Variants in AQP10 observed in about 807,000 individuals in gnomAD.
AQP10 encodes the protein aquaporin-10.
AQP10 carries 15 observed loss-of-function variants against 21.0 expected under a neutral mutation model. The ratio of observed to expected loss-of-function variants is 0.71; its 90% CI spans 0.48 to 1.10. The LOEUF is 1.10. Ranked by LOEUF, AQP10 falls within the 50% of genes least tolerant of loss-of-function variation. The probability of loss-of-function intolerance (pLI) is 0.00; values close to 1 mark genes in which losing one functional copy is unlikely to be tolerated. For missense variants in AQP10, 268 were observed against 379.5 expected (o/e 0.71, Z 2.44); for synonymous variants, 143 against 155.7 (o/e 0.92, Z 0.61).
chr1:154,323,800 T>C lies in AQP10; in HGVS notation c.701T>C (p.Val234Ala), dbSNP rs370728661. The change falls in exon 5 of 6, where the codon GTC becomes GCC. Residue 234 changes from valine to alanine, a missense_variant. By Grantham distance (64) the Val-to-Ala change is moderately conservative (BLOSUM62 0). Around this residue, in one of 3 missense-constraint regions of AQP10, gnomAD observed 229 missense variants for 295.1 expected, o/e 0.78. Transcript: ENST00000324978. The surrounding 1 kb of genome is among the most constrained non-coding windows in gnomAD (Gnocchi z 4.5). ...TACGTGGCTGGCTGGGGTCCTGAAG[T>C]CTTCAGGTGGGAGACAGACTCTCCT... The part of the protein sequence containing the change: ...FTYVAGWGPE[V>A]FSAGNGWWWV... The C allele has an allele frequency of 1.9e-6, 3 of 1,613,970 alleles. No homozygotes were observed. Among genetic ancestry groups the C allele is most frequent in the Non-Finnish European group, 2.5e-6 (3 of 1,179,922 alleles).
chr1:154,322,754 TCCCAAAG>T (rs1419363242), intron 2 of AQP10, among the ~76,000 whole-genome samples: 1 of 152,112 alleles, frequency 6.6e-6, no homozygotes, highest in African/African-American at 2.4e-5. Flanking sequence ...TGCCTCGGCC[TCCCAAAG>T]TGCTGGGATT....
Position 154,323,417 on chromosome 1 carries a change from G to T in AQP10, c.489+58G>T. ...TTTGGTCCTGTTCCTCGGCACCCCA[G>T]CCTATTGTTCAGTCTCTGGGTGGAG... On this transcript the variant is annotated intron_variant, in intron 4 of 5. Coordinates refer to ENST00000324978, the MANE Select transcript of AQP10 (RefSeq NM_080429.3). This position sits in a 1 kb window ranked among gnomAD's most constrained non-coding sequence, Gnocchi z 4.5. 1 of 1,563,542 alleles carries T rather than the reference G, an allele frequency of 6.4e-7. No homozygotes were observed. The highest frequency in any genetic ancestry group is 8.8e-7 in the Non-Finnish European group (1 of 1,138,340).
At position 154,323,696 on chromosome 1, in the gene AQP10, G is replaced by A; in HGVS notation, c.597G>A (p.Leu199=). 2.5e-6 allele frequency: 4 copies of A among 1,614,170 alleles called. No homozygotes were observed. Among genetic ancestry groups the A allele is most frequent in the South Asian group, 1.1e-5 (1 of 91,078 alleles). ...LEPVVVGMLI[L]ALGLSMGANC... is the part of the protein sequence containing the mutation. ...CTGTGGTGGTGGGGATGCTGATCCT[G>A]GCCCTCGGGTTATCCATGGGTGCCA... Residue 199 remains leucine, a synonymous_variant, in exon 5 of 6, where the codon CTG becomes CTA. Coordinates refer to ENST00000324978, the MANE Select transcript of AQP10 (RefSeq NM_080429.3). The surrounding 1 kb of genome is among the most constrained non-coding windows in gnomAD (Gnocchi z 4.5).
intron 1 of AQP10, 41 bp downstream of exon 1, chr1:154,321,301 CA>C: frequency 1.3e-6 from 2 of 1,527,426 alleles, no homozygotes; most frequent in Non-Finnish European, 9.0e-7. Context: ...GGGGGTTGGG[CA>C]AAAGTTCCTG....
chr1:154,321,204 C>T lies in AQP10; in HGVS notation c.49C>T (p.Arg17Cys), dbSNP rs761060478. 3.3e-5 allele frequency: 53 copies of T among 1,613,600 alleles called. No homozygotes were observed. The highest frequency in any genetic ancestry group is 8.0e-5 in the African/African-American group (6 of 74,904). The change falls in exon 1 of 6, where the codon CGC becomes TGC. Residue 17 changes from arginine (R) to cysteine (C), a missense_variant. By Grantham distance (180) the Arg-to-Cys change is radical (BLOSUM62 -3). Around this residue, in one of 3 missense-constraint regions of AQP10, gnomAD observed 33 missense variants for 47.1 expected, o/e 0.70. Coordinates refer to ENST00000324978, the MANE Select transcript of AQP10 (RefSeq NM_080429.3). ...TGAAATCATGGGCCACCTCCGGATA[C>T]GCAGCCTCCTGGCCCGGCAGTGCCT... is the stretch of plus-strand genomic sequence containing the variant. The part of the protein sequence containing the change: ...PAEIMGHLRI[R>C]SLLARQCLAE...
Position 154,323,204 on chromosome 1 carries a change from C to A in AQP10, c.371-37C>A. On this transcript the variant is annotated intron_variant, in intron 3 of 5. Transcript: ENST00000324978. This position sits in a 1 kb window ranked among gnomAD's most constrained non-coding sequence, Gnocchi z 4.5. The stretch of plus-strand genomic sequence containing the variant: ...CTCAGAATGGTTTTGGATGAATGAG[C>A]AAAGAGGGAAATCCTGGGTGTTCCC... 1 of 1,613,554 alleles carries A rather than the reference C, an allele frequency of 6.2e-7. No homozygotes were observed. The highest frequency in any genetic ancestry group is 1.1e-5 in the South Asian group (1 of 91,060).
Position 154,324,753 on chromosome 1 carries a change from C to G in AQP10, c.*273C>G, listed in dbSNP as rs1033201348. The stretch of plus-strand genomic sequence containing the variant: ...CTCGGAATGTAGTTGCTCGAGGTAA[C>G]CGCTAGAGGGTGCGCACCTGGATGC... On this transcript the variant is annotated 3_prime_UTR_variant, in exon 6 of 6. Transcript: ENST00000324978. 5.8e-6 allele frequency: 2 copies of G among 347,576 alleles called. No individual in the cohort carries two copies. The highest frequency in any genetic ancestry group is 2.1e-5 in the African/African-American group (1 of 46,986). 21.5% of individuals were successfully genotyped at this position (347,576 alleles called of 1,614,324 possible). A position where few individuals can be genotyped will look rare whatever the true frequency, so the allele number is the denominator to read the frequency against.
intron 5 of AQP10, chr1:154,324,031 C>T: frequency 7.1e-7 from 1 of 1,405,656 alleles, no homozygotes. Flanking sequence ...CACATTACTT[C>T]CATGCACATT....
At position 154,323,807 on chromosome 1, in the gene AQP10, G is replaced by A; in HGVS notation, c.707+1G>A. 6.2e-7 allele frequency: 1 copy of A among 1,613,830 alleles called. No homozygotes were observed. The highest frequency in any genetic ancestry group is 8.5e-7 in the Non-Finnish European group (1 of 1,179,842). On this transcript the variant is annotated splice_donor_variant, in intron 5 of 5. Coordinates refer to ENST00000324978, the MANE Select transcript of AQP10 (RefSeq NM_080429.3). LOFTEE classifies it high-confidence loss of function. This position sits in a 1 kb window ranked among gnomAD's most constrained non-coding sequence, Gnocchi z 4.5. Reference sequence around the variant, plus strand: ...CTGGCTGGGGTCCTGAAGTCTTCAGGTGGGAGACAGACTCTCCTGGTGCTG... The same window carrying A: ...CTGGCTGGGGTCCTGAAGTCTTCAGATGGGAGACAGACTCTCCTGGTGCTG...
Position 154,324,118 on chromosome 1 carries a change from C to T in AQP10, c.708-164C>T, listed in dbSNP as rs564561329. The T allele has an allele frequency of 1.2e-5, 14 of 1,124,622 alleles. No individual in the cohort carries two copies. In the South Asian group the frequency reaches 1.4e-4, roughly 11 times the overall value. 69.7% of individuals were successfully genotyped at this position (1,124,622 alleles called of 1,614,324 possible). ...GGCTGGACCAAGCTCTCCTGGGGTT[C>T]CCTCTTCTAAATACTATGCTTTGGT... is the stretch of plus-strand genomic sequence containing the variant. On this transcript the variant is annotated intron_variant, in intron 5 of 5. Coordinates refer to ENST00000324978, the MANE Select transcript of AQP10 (RefSeq NM_080429.3).
chr1:154,323,731 T>C lies in AQP10; in HGVS notation c.632T>C (p.Ile211Thr), dbSNP rs759873653. 6.2e-7 allele frequency: 1 copy of C among 1,614,150 alleles called. No homozygotes were observed. Among genetic ancestry groups the C allele is most frequent in the Non-Finnish European group, 8.5e-7 (1 of 1,180,026 alleles). Residue 211 changes from isoleucine to threonine, a missense_variant, in exon 5 of 6, where the codon ATT (isoleucine) becomes ACT (threonine). By Grantham distance (89) the Ile-to-Thr change is moderately conservative (BLOSUM62 -1). This residue lies in a region of AQP10 where 229 missense variants were observed against 295.1 expected (regional missense o/e 0.78). Coordinates refer to ENST00000324978, the MANE Select transcript of AQP10 (RefSeq NM_080429.3). The surrounding 1 kb of genome is among the most constrained non-coding windows in gnomAD (Gnocchi z 4.5). ...LGLSMGANCG[I>T]PLNPARDLGP... ...TTATCCATGGGTGCCAACTGCGGGA[T>C]TCCACTCAACCCTGCCCGGGACCTG...
rs1182265391 is a variant in AQP10 at position 154,322,022 on chromosome 1, C to T, written c.195C>T (p.Ala65=). ...FFTMFLAGSL[A]VTIAIYVGGN... ...CCATGTTTCTGGCTGGCTCTCTGGC[C>T]GTTACGATAGCCATCTACGTGGGTG... The change falls in exon 2 of 6, where the codon GCC becomes GCT. Residue 65 remains alanine (A), a synonymous_variant. Transcript: ENST00000324978. The T allele has an allele frequency of 2.0e-5, 32 of 1,613,596 alleles. No homozygotes were observed. The highest frequency in any genetic ancestry group is 5.3e-5 in the African/African-American group (4 of 74,906).
In AQP10 at chr1:154,323,712, A is replaced by G; in HGVS notation, c.613A>G (p.Met205Val). 1.9e-6 allele frequency: 3 copies of G among 1,614,112 alleles called. No homozygotes were observed. The highest frequency in any genetic ancestry group is 2.2e-5 in the South Asian group (2 of 91,080). The change falls in exon 5 of 6, where the codon ATG (methionine) becomes GTG (valine). Residue 205 changes from methionine (M) to valine (V), a missense_variant. Transcript: ENST00000324978. The surrounding 1 kb of genome is among the most constrained non-coding windows in gnomAD (Gnocchi z 4.5). Reference sequence around the variant, plus strand: ...GCTGATCCTGGCCCTCGGGTTATCCATGGGTGCCAACTGCGGGATTCCACT... The same window carrying G: ...GCTGATCCTGGCCCTCGGGTTATCCGTGGGTGCCAACTGCGGGATTCCACT... ...GMLILALGLS[M>V]GANCGIPLNP...
Position 154,323,891 on chromosome 1 carries a change from T to G in AQP10, c.707+85T>G. ...TCCCTGGGTCCACAGCACTCTGCCT[T>G]TAAAATAGCTCTCTTGGCTTCTTAG... On this transcript the variant is annotated intron_variant, in intron 5 of 5. Transcript: ENST00000324978. The surrounding 1 kb of genome is among the most constrained non-coding windows in gnomAD (Gnocchi z 4.5). 1 of 1,547,768 alleles carries G rather than the reference T, an allele frequency of 6.5e-7. No homozygotes were observed. The highest frequency in any genetic ancestry group is 2.4e-5 in the East Asian group (1 of 41,166).
rs954878410 is a variant in AQP10 at position 154,323,517 on chromosome 1, T to C, written c.490-72T>C. On this transcript the variant is annotated intron_variant, in intron 4 of 5. Transcript: ENST00000324978. The surrounding 1 kb of genome is among the most constrained non-coding windows in gnomAD (Gnocchi z 4.5). Reference sequence around the variant, plus strand: ...TTGCACAAAGCCAGATGACATGGAATATTTGGATGAGAGAGGGCAGATGGA... The same window carrying C: ...TTGCACAAAGCCAGATGACATGGAACATTTGGATGAGAGAGGGCAGATGGA... The C allele has an allele frequency of 6.4e-7, 1 of 1,550,840 alleles. No individual in the cohort carries two copies. Among genetic ancestry groups the C allele is most frequent in the African/African-American group, 1.4e-5 (1 of 73,482 alleles).
rs567113930 is a variant in AQP10, at chr1:154,322,327, C to G, written c.232+268C>G. 6.2e-3 allele frequency among the ~76,000 whole-genome samples: 949 copies of G among 152,116 alleles called. 16 individuals carry two copies. The highest frequency in any genetic ancestry group is 0.02 in the African/African-American group (843 of 41,494). On this transcript the variant is annotated intron_variant, in intron 2 of 5. Coordinates refer to ENST00000324978, the MANE Select transcript of AQP10 (RefSeq NM_080429.3). The stretch of plus-strand genomic sequence containing the variant: ...AGCTGCTATCCTCTTGTATCCCCCA[C>G]CTGAAGTCCTCTGGGGGCTCATCTC...
Position 154,323,868 on chromosome 1 carries a change from C to T in AQP10, c.707+62C>T, listed in dbSNP as rs767920334. On this transcript the variant is annotated intron_variant, in intron 5 of 5. Coordinates refer to ENST00000324978, the MANE Select transcript of AQP10 (RefSeq NM_080429.3). This position sits in a 1 kb window ranked among gnomAD's most constrained non-coding sequence, Gnocchi z 4.5. ...ACCTTCCTCTGCTAAGGGCTCTGTCCCTGGGTCCACAGCACTCTGCCTTTA... is the reference window on the plus strand; with the variant it reads ...ACCTTCCTCTGCTAAGGGCTCTGTCTCTGGGTCCACAGCACTCTGCCTTTA... 1.9e-6 allele frequency: 3 copies of T among 1,583,542 alleles called. No individual in the cohort carries two copies. The highest frequency in any genetic ancestry group is 2.3e-5 in the South Asian group (2 of 88,286).
Position 154,324,599 on chromosome 1 carries a change from C to G in AQP10, c.*119C>G. On this transcript the variant is annotated 3_prime_UTR_variant, in exon 6 of 6. Coordinates refer to ENST00000324978, the MANE Select transcript of AQP10 (RefSeq NM_080429.3). ...GAACCTGGGAGGCTTCTCTGTTTAT[C>G]TGTTTGGCATCCCTTCCTCCTAAAC... is the stretch of plus-strand genomic sequence containing the variant. 9.5e-7 allele frequency: 1 copy of G among 1,057,132 alleles called. No individual in the cohort carries two copies. Among genetic ancestry groups the G allele is most frequent in the East Asian group, 2.7e-5 (1 of 36,578 alleles). The allele number at this position is 1,057,132 out of a possible 1,614,324, so 65.5% of individuals were successfully genotyped here. A position where few individuals can be genotyped will look rare whatever the true frequency, so the allele number is the denominator to read the frequency against.
chr1:154,322,767 GGA>G (rs1685676611), intron 2 of AQP10, among the ~76,000 whole-genome samples: 1 of 152,008 alleles, frequency 6.6e-6, no homozygotes, highest in Non-Finnish European at 1.5e-5. Flanking sequence ...CAAAGTGCTG[GGA>G]TTACAGGCGT....
Sources: allele counts gnomAD v4.1 joint callset (sites outside exome capture counted in the v4.1 genomes callset), GRCh38; gene constraint gnomAD v4.1.1; regional missense constraint gnomAD v4.1.1; non-coding constraint Gnocchi (gnomAD v3.1); transcripts MANE v1.5; gene names NCBI Gene and HGNC (gene_info 2026-07-23, HGNC 2026-07-21).